The following TFDP2 variants were observed in gnomAD, a reference collection of about 807,000 sequenced individuals.
The protein encoded by TFDP2 is transcription factor Dp-2, also known as transcription factor Dp-2 (E2F dimerization partner 2).
In TFDP2, 17 loss-of-function variants were observed where a neutral mutation model predicts 59.3. That is an observed-to-expected ratio of 0.29 (90% CI 0.20 to 0.43). The LOEUF is 0.43. Ranked by LOEUF, TFDP2 falls within the 20% of genes least tolerant of loss-of-function variation. The pLI is 1.00. For synonymous variants in TFDP2, 180 were observed against 194.7 expected (o/e 0.92, Z 0.63); for missense variants, 391 against 528.8 (o/e 0.74, Z 2.56).
intron 6 of TFDP2, among the ~76,000 whole-genome samples, chr3:141,982,902 G>A (rs1370440131): frequency 6.6e-6 from 1 of 152,138 alleles, no homozygotes; most frequent in Non-Finnish European, 1.5e-5. Context: ...CATATTTTGA[G>A]CAGTTTACTC....
intron 4 of TFDP2, among the ~76,000 whole-genome samples, chr3:141,997,127 A>G (rs1447885849): frequency 1.3e-5 from 2 of 152,190 alleles, no homozygotes; most frequent in African/African-American, 2.4e-5. Flanking sequence ...AGGGGTGGCG[A>G]GTACCTTGCT....
intron 3 of TFDP2, among the ~76,000 whole-genome samples, chr3:142,031,255 A>C (rs1475056426): frequency 6.6e-6 from 1 of 152,202 alleles, no homozygotes; most frequent in African/African-American, 2.4e-5. Context: ...TTGCAGAATG[A>C]ATTTTCCTTT....
In TFDP2 at chr3:141,952,748, T is replaced by C. The variant is rs879185536; in HGVS notation, c.1158-52A>G. 4.4e-6 allele frequency: 7 copies of C among 1,600,606 alleles called. No individual in the cohort carries two copies. In the South Asian group the frequency reaches 4.5e-5, roughly 10 times the overall value. ...CTCATTAATGTGGTATAAACAGTTTTGTAAAACATAGGAATAAAAACAGGA... is the reference window on the plus strand; with the variant it reads ...CTCATTAATGTGGTATAAACAGTTTCGTAAAACATAGGAATAAAAACAGGA... On this transcript the variant is annotated intron_variant, in intron 12 of 12. Coordinates refer to ENST00000489671, the MANE Select transcript of TFDP2 (RefSeq NM_001178139.2).
chr3:141,953,001 G>A lies in TFDP2; in HGVS notation c.1067C>T (p.Pro356Leu). Residue 356 changes from proline (P) to leucine (L), a missense_variant, in exon 12 of 13, where the codon CCT (proline) becomes CTT (leucine). By Grantham distance (98) the Pro-to-Leu change is moderately conservative (BLOSUM62 -3). Coordinates refer to ENST00000489671, the MANE Select transcript of TFDP2 (RefSeq NM_001178139.2). The part of the protein sequence containing the change: ...EGYITDISTG[P>L]SWLNQGLLLN... The stretch of plus-strand genomic sequence containing the variant: ...AAGTAGTCCCTGATTTAACCAAGAA[G>A]GTCCTGTGGAGATATCTAAAGGAAA... 2.5e-6 allele frequency: 4 copies of A among 1,613,530 alleles called. No homozygotes were observed. The highest frequency in any genetic ancestry group is 3.4e-6 in the Non-Finnish European group (4 of 1,179,718).
chr3:142,006,320 C>T (rs935659550), intron 3 of TFDP2, among the ~76,000 whole-genome samples: 4 of 152,124 alleles, frequency 2.6e-5, no homozygotes, highest in Non-Finnish European at 5.9e-5. Context: ...AGGAGATCAT[C>T]CATGAAGTAT....
At chr3:142,088,480 G>A (rs925070750) in intron 3 of TFDP2, among the ~76,000 whole-genome samples, 1 of 151,734 alleles carries the variant, frequency 6.6e-6, no homozygotes, top group Admixed American at 6.6e-5. Context: ...ACAGGCATGC[G>A]CCACCACACC....
chr3:142,037,985 TTCTACTGAGTGA>T (rs1946766281), intron 3 of TFDP2, among the ~76,000 whole-genome samples: 1 of 152,198 alleles, frequency 6.6e-6, no homozygotes. Context: ...CCAGAAGCCT[TTCTACTGAGTGA>T]AAGAATATAA....
chr3:141,961,264 GAC>G (rs1937328055), intron 10 of TFDP2, among the ~76,000 whole-genome samples: 1 of 97,910 alleles, frequency 1.0e-5, no homozygotes, highest in Non-Finnish European at 1.9e-5. Context: ...TTTTTTTTGA[GAC>G]AGAGTCTTGC....
chr3:141,979,222 T>C (rs999392721), intron 6 of TFDP2, among the ~76,000 whole-genome samples: 1 of 152,182 alleles, frequency 6.6e-6, no homozygotes, highest in African/African-American at 2.4e-5. Context: ...ACTCACATGT[T>C]TGTGGTGATG....
At chr3:141,969,572 A>G (rs2107987490) in intron 9 of TFDP2, among the ~76,000 whole-genome samples, 1 of 152,166 alleles carries the variant, frequency 6.6e-6, no homozygotes, top group Admixed American at 6.6e-5. Context: ...AGATCGCACC[A>G]CTGCACTCCA....
At chr3:141,969,340 T>C (rs1393430176) in intron 9 of TFDP2, among the ~76,000 whole-genome samples, 3 of 148,194 alleles carry the variant, frequency 2.0e-5, no homozygotes, top group Non-Finnish European at 4.4e-5. Context: ...AGACCCAGTG[T>C]GGTGGCTCAT....
At chr3:142,119,482 G>A (rs904809875) in intron 1 of TFDP2, among the ~76,000 whole-genome samples, 1 of 152,202 alleles carries the variant, frequency 6.6e-6, no homozygotes, top group Admixed American at 6.5e-5. Context: ...GCTGTCCTTA[G>A]AGTTTCAAGG....
At chr3:142,093,571 AG>A (rs745833973) in intron 2 of TFDP2, among the ~76,000 whole-genome samples, 3 of 152,250 alleles carry the variant, frequency 2.0e-5, no homozygotes, top group Non-Finnish European at 1.5e-5. Context: ...TTTGAAAGCA[AG>A]TAAGTAATGT....
intron 3 of TFDP2, among the ~76,000 whole-genome samples, chr3:142,067,895 T>C (rs947827499): frequency 1.3e-5 from 2 of 151,484 alleles, no homozygotes; most frequent in Admixed American, 6.6e-5. Context: ...TTCCAGGTAC[T>C]TGGGAAGCTG....
intron 9 of TFDP2, among the ~76,000 whole-genome samples, chr3:141,965,423 G>A (rs78674047): frequency 6.6e-6 from 1 of 151,516 alleles, no homozygotes; most frequent in East Asian, 1.9e-4. Flanking sequence ...CTTGAGCCTA[G>A]GAGTTGGAGG....
intron 6 of TFDP2, among the ~76,000 whole-genome samples, chr3:141,984,959 A>G (rs1337452971): frequency 1.3e-5 from 2 of 152,112 alleles, no homozygotes; most frequent in Non-Finnish European, 1.5e-5. Context: ...CTTGTGGAGC[A>G]GGACTACCCC....
At chr3:142,120,056 A>AAAAAG (rs958106661) in intron 1 of TFDP2, among the ~76,000 whole-genome samples, 2 of 151,252 alleles carry the variant, frequency 1.3e-5, no homozygotes, top group Non-Finnish European at 1.5e-5. Flanking sequence ...TCGAAAAGAA[A>AAAAAG]AAAAGAAAAG....
Position 141,953,909 on chromosome 3 carries a change from G to A in TFDP2, c.1052-893C>T, listed in dbSNP as rs145077364. 9.2e-3 allele frequency among the ~76,000 whole-genome samples: 1,398 copies of A among 151,780 alleles called. 18 individuals are homozygous for A. The highest frequency in any genetic ancestry group is 0.032 in the African/African-American group (1,333 of 41,358). ...GTTTGGGCTGAGCACGGTGGCTCAC[G>A]CCTATAATCCCAGCATTTTGGGAGG... On this transcript the variant is annotated intron_variant, in intron 11 of 12. Transcript: ENST00000489671.
intron 3 of TFDP2, among the ~76,000 whole-genome samples, chr3:142,044,532 C>G (rs1387771363): frequency 6.6e-6 from 1 of 152,010 alleles, no homozygotes; most frequent in African/African-American, 2.4e-5. Context: ...CCACACCCGG[C>G]CTAATTTTTG....
Sources: gnomAD v4.1 joint callset for allele counts (sites outside exome capture counted in the v4.1 genomes callset) on GRCh38, gnomAD v4.1.1 for gene constraint, MANE v1.5 for transcripts, NCBI Gene and HGNC (gene_info 2026-07-23, HGNC 2026-07-21) for gene names.